Variants in ARNT2 observed in about 807,000 individuals in gnomAD.
ARNT2 encodes the protein ARNT protein 2.
Under a neutral mutation model 91.7 loss-of-function variants are expected in ARNT2, and 36 were observed. The ratio of observed to expected loss-of-function variants is 0.39; its 90% confidence interval spans 0.30 to 0.52. The LOEUF is 0.52. Ranked by LOEUF, ARNT2 falls within the 20% of genes least tolerant of loss-of-function variation. The probability of loss-of-function intolerance (pLI) is 0.72; values close to 1 mark genes in which losing one functional copy is unlikely to be tolerated. For synonymous variants in ARNT2, 365 were observed against 347.1 expected (o/e 1.05, Z -0.57); for missense variants, 775 against 939.3 (o/e 0.83, Z 2.29).
intron 3 of ARNT2, among the ~76,000 whole-genome samples, chr15:80,467,056 T>A (rs771458161): frequency 1.8e-4 from 27 of 152,228 alleles, no homozygotes; most frequent in Non-Finnish European, 2.9e-4. Context: ...CAAGTGTGCG[T>A]CAGCCCTGCA....
rs143382085 is a variant in ARNT2 at position 80,457,974 on chromosome 15, A to G, written c.192A>G (p.Ser64=). ...ATGGTGAAGGCCCCAGTAAATTTTC[A>G]AGGTAAGTTTATTTTATTTTCCTTA... is the stretch of plus-strand genomic sequence containing the variant. ...DEDGEGPSKF[S]RENHSEIERR... The change falls in exon 3 of 19, where the codon TCA becomes TCG. Residue 64 remains serine, a splice_region_variant and synonymous_variant. Coordinates refer to ENST00000303329, the MANE Select transcript of ARNT2 (RefSeq NM_014862.4). 19 of 1,613,594 alleles carry G rather than the reference A, an allele frequency of 1.2e-5. No homozygotes were observed. The African/African-American group carries it at 2.1e-4, about 18-fold the overall frequency.
In ARNT2 at chr15:80,421,573, G is replaced by A. The variant is rs113972042; in HGVS notation, c.31+17027G>A. Among the ~76,000 whole-genome samples, 302 of 152,232 alleles carry A rather than the reference G, an allele frequency of 2.0e-3. 1 individual carries two copies. The highest frequency in any genetic ancestry group is 6.5e-3 in the African/African-American group (268 of 41,538). On this transcript the variant is annotated intron_variant, in intron 1 of 18. Coordinates refer to ENST00000303329, the MANE Select transcript of ARNT2 (RefSeq NM_014862.4). ...TTCACTAGTTTTGAAACAATGCACC[G>A]AATGACATTGTATAGGTTATATGAA...
chr15:80,419,757 A>G (rs1895835591), intron 1 of ARNT2, among the ~76,000 whole-genome samples: 1 of 152,220 alleles, frequency 6.6e-6, no homozygotes, highest in Non-Finnish European at 1.5e-5. Context: ...GTCCCGGGAG[A>G]AAAAGCTGAA....
At chr15:80,580,326 A>AG in intron 15 of ARNT2, 85 bp from the exon 16 acceptor site, 1 of 1,530,074 alleles carries the variant, frequency 6.5e-7, no homozygotes. Flanking sequence ...AAGATGGCCC[A>AG]GGGCAGATTG....
At chr15:80,563,919 G>A (rs1363471935) in intron 12 of ARNT2, among the ~76,000 whole-genome samples, 4 of 152,158 alleles carry the variant, frequency 2.6e-5, no homozygotes, top group Admixed American at 2.6e-4. Flanking sequence ...TCAAGCTACA[G>A]GCCAGACACT....
chr15:80,557,015 C>T (rs1223544595), intron 11 of ARNT2: 1 of 152,172 alleles, frequency 6.6e-6, no homozygotes, highest in Non-Finnish European at 1.5e-5. Flanking sequence ...AATAGTTTGT[C>T]ATGCCTCTGA....
At chr15:80,451,271 G>C (rs1896385675) in intron 2 of ARNT2, among the ~76,000 whole-genome samples, 1 of 152,244 alleles carries the variant, frequency 6.6e-6, no homozygotes, top group Non-Finnish European at 1.5e-5. Flanking sequence ...AAGGGAGAGG[G>C]CTCACCCGTT....
chr15:80,460,946 A>G (rs1255036686), intron 3 of ARNT2, among the ~76,000 whole-genome samples: 2 of 152,142 alleles, frequency 1.3e-5, no homozygotes, highest in East Asian at 1.9e-4. Context: ...AGGCAGAAGG[A>G]AGGAGCTGCA....
At chr15:80,519,949 TG>T (rs1262585020) in intron 8 of ARNT2, among the ~76,000 whole-genome samples, 1 of 150,764 alleles carries the variant, frequency 6.6e-6, no homozygotes, top group Non-Finnish European at 1.5e-5. Flanking sequence ...CCGCCCGCTT[TG>T]GCCTCCCAAA....
intron 13 of ARNT2, among the ~76,000 whole-genome samples, chr15:80,574,673 C>T (rs931928888): frequency 1.3e-5 from 2 of 152,286 alleles, no homozygotes; most frequent in East Asian, 3.9e-4. Flanking sequence ...CTCCTATCTC[C>T]ACATGATGTC....
chr15:80,524,851 G>A (rs1053365896), intron 8 of ARNT2, among the ~76,000 whole-genome samples: 49 of 151,302 alleles, frequency 3.2e-4, no homozygotes, highest in African/African-American at 1.1e-3. Flanking sequence ...CTCCAGCCTG[G>A]GCGACAGAGC....
At chr15:80,526,313 T>C (rs1897639995) in intron 8 of ARNT2, among the ~76,000 whole-genome samples, 1 of 152,226 alleles carries the variant, frequency 6.6e-6, no homozygotes, top group African/African-American at 2.4e-5. Context: ...CATGATGGGC[T>C]GCGTTTTCCA....
intron 8 of ARNT2, among the ~76,000 whole-genome samples, chr15:80,542,424 C>T (rs1244338026): frequency 6.6e-6 from 1 of 152,064 alleles, no homozygotes; most frequent in African/African-American, 2.4e-5. Context: ...TGCATAAAAC[C>T]ACCACTATTT....
At chr15:80,509,410 C>A (rs1158587655) in intron 6 of ARNT2, among the ~76,000 whole-genome samples, 1 of 151,854 alleles carries the variant, frequency 6.6e-6, no homozygotes, top group Non-Finnish European at 1.5e-5. Flanking sequence ...CCACTGCACC[C>A]CAGCCTGGGT....
chr15:80,534,300 ACAT>A (rs1897786305), intron 8 of ARNT2, among the ~76,000 whole-genome samples: 1 of 152,026 alleles, frequency 6.6e-6, no homozygotes. Flanking sequence ...AAGTACCAAA[ACAT>A]CATTGCTTAC....
chr15:80,495,002 C>T (rs541621668), intron 5 of ARNT2, among the ~76,000 whole-genome samples: 1 of 152,242 alleles, frequency 6.6e-6, no homozygotes, highest in South Asian at 2.1e-4. Flanking sequence ...GACTGCTTGG[C>T]GGAAAGGCTC....
rs138174454 is a variant in ARNT2 at position 80,490,354 on chromosome 15, C to T, written c.622+15131C>T. 3.8e-3 allele frequency among the ~76,000 whole-genome samples: 582 copies of T among 152,284 alleles called. 4 individuals are homozygous for T. Among genetic ancestry groups the T allele is most frequent in the African/African-American group, 0.013 (560 of 41,556 alleles). ...AACTCCTAGATAACTTCAGTCCAGG[C>T]GGCTTCAAGGAGAAGGCTCTGGAGA... On this transcript the variant is annotated intron_variant, in intron 5 of 18. Coordinates refer to ENST00000303329, the MANE Select transcript of ARNT2 (RefSeq NM_014862.4).
chr15:80,563,027 C>A, intron 11 of ARNT2, 61 bp from the exon 12 acceptor site: 1 of 1,594,820 alleles, frequency 6.3e-7, no homozygotes, highest in Non-Finnish European at 8.6e-7. Flanking sequence ...GCAGCTTCTC[C>A]CTCCTCCCGT....
intron 1 of ARNT2, among the ~76,000 whole-genome samples, chr15:80,407,375 T>A (rs1335576428): frequency 6.6e-6 from 1 of 152,248 alleles, no homozygotes; most frequent in Non-Finnish European, 1.5e-5. Flanking sequence ...TTACTCATGT[T>A]ACTCTGTGGA....
Sources: gnomAD v4.1 joint callset for allele counts (sites outside exome capture counted in the v4.1 genomes callset) on GRCh38, gnomAD v4.1.1 for gene constraint, MANE v1.5 for transcripts, NCBI Gene and HGNC (gene_info 2026-07-23, HGNC 2026-07-21) for gene names.